Variants in DBT observed in about 807,000 individuals in gnomAD.
The protein encoded by DBT is dihydrolipoamide branched chain transacylase E2.
DBT carries 40 observed loss-of-function variants against 51.3 expected under a neutral mutation model. The ratio of observed to expected loss-of-function variants is 0.78; its 90% CI spans 0.61 to 1.02. DBT has a LOEUF of 1.02. Among genes scored for constraint, DBT ranks in the 50% least tolerant of loss-of-function variants. DBT has a pLI of 0.00. For synonymous variants in DBT, 181 were observed against 190.4 expected, an observed-to-expected ratio of 0.95 and a Z score of 0.41; for missense variants, 510 against 580.2, an observed-to-expected ratio of 0.88 and a Z score of 1.24.
At chr1:100,225,043 A>AAATATATGTG (rs1553231586) in intron 4 of DBT, among the ~76,000 whole-genome samples, 1 of 43,040 alleles carries the variant, frequency 2.3e-5, no homozygotes, top group Non-Finnish European at 4.5e-5. Flanking sequence ...AAAAAAAAAA[A>AAATATATGTG]TATATATATA....
chr1:100,196,462 A>C, intron 10 of DBT, 40 bp from the exon 11 acceptor site: 8 of 1,514,646 alleles, frequency 5.3e-6, no homozygotes, highest in Non-Finnish European at 6.3e-6. Context: ...AAAAAAAAGA[A>C]CAAAGAGTAA....
chr1:100,244,136 T>C (rs1035481929), intron 1 of DBT, among the ~76,000 whole-genome samples: 1 of 148,664 alleles, frequency 6.7e-6, no homozygotes, highest in Non-Finnish European at 1.5e-5. Context: ...TAGTGTGACC[T>C]GGGAAGGCTT....
In DBT at chr1:100,214,975, T is replaced by C. The variant is rs926492799; in HGVS notation, c.781A>G (p.Lys261Glu). Residue 261 changes from lysine (K) to glutamate (E), a missense_variant, in exon 7 of 11, where the codon AAA becomes GAA. Physicochemically the swap from Lys to Glu is moderately conservative, Grantham distance 56. Coordinates refer to ENST00000370132, the MANE Select transcript of DBT (RefSeq NM_001918.5). ...DKTEPIKGFQ[K>E]AMVKTMSAAL... ...GCAGACATAGTCTTGACCATTGCTTTTTGAAAGCCTGAAAAGCATTAAATT... is the reference window on the plus strand; with the variant it reads ...GCAGACATAGTCTTGACCATTGCTTCTTGAAAGCCTGAAAAGCATTAAATT... The C allele has an allele frequency of 1.3e-5, 21 of 1,608,442 alleles. No individual in the cohort carries two copies. The highest frequency in any genetic ancestry group is 1.7e-5 in the Non-Finnish European group (20 of 1,174,998).
In DBT at chr1:100,188,955, A is replaced by T. The variant is rs901238744; in HGVS notation, c.*7300T>A. 2.6e-5 allele frequency: 4 copies of T among 152,184 alleles called. No homozygotes were observed. The highest frequency in any genetic ancestry group is 9.7e-5 in the African/African-American group (4 of 41,450). 9.4% of individuals were successfully genotyped at this position (152,184 alleles called of 1,614,324 possible). ...TGCTCAGTACTGAGACTGCCACATA[A>T]TGAATTTTCATTTCCATTTTATTCT... On this transcript the variant is annotated 3_prime_UTR_variant, in exon 11 of 11. Coordinates refer to ENST00000370132, the MANE Select transcript of DBT (RefSeq NM_001918.5).
In DBT at chr1:100,206,480, T is replaced by C; in HGVS notation, c.1174A>G (p.Thr392Ala). ...TTGGAAAGAGTAAATGTTCCTCCTG[T>C]AAGATCAGTGGTGCTGAGCTGACTC... ...SVSQLSTTDL[T>A]GGTFTLSNIG... Residue 392 changes from threonine (T) to alanine (A), a missense_variant, in exon 9 of 11, where the codon ACA becomes GCA. Thr to Ala is a moderately conservative substitution (Grantham distance 58). Coordinates refer to ENST00000370132, the MANE Select transcript of DBT (RefSeq NM_001918.5). 6.2e-7 allele frequency: 1 copy of C among 1,613,870 alleles called. No homozygotes were observed. Among genetic ancestry groups the C allele is most frequent in the Non-Finnish European group, 8.5e-7 (1 of 1,179,768 alleles).
intron 10 of DBT, among the ~76,000 whole-genome samples, chr1:100,197,609 T>C (rs1195662960): frequency 2.0e-5 from 3 of 152,160 alleles, no homozygotes; most frequent in African/African-American, 7.2e-5. Context: ...CCTGGGGTGC[T>C]TCCATGTGCA....
rs1430280364 is a variant in DBT at position 100,196,060 on chromosome 1, C to CA, written c.*194dup. The CA allele has an allele frequency of 1.3e-5, 8 of 621,800 alleles. No individual in the cohort carries two copies. Among genetic ancestry groups the CA allele is most frequent in the Non-Finnish European group, 2.8e-6 (1 of 353,104 alleles). 38.5% of individuals were successfully genotyped at this position (621,800 alleles called of 1,614,324 possible). The stretch of plus-strand genomic sequence containing the variant: ...TCTGACCTATAAAATGTGACAGCCC[C>CA]AGGAGAACCATTACACCATTATTCA... On this transcript the variant is annotated 3_prime_UTR_variant, in exon 11 of 11. Coordinates refer to ENST00000370132, the MANE Select transcript of DBT (RefSeq NM_001918.5).
At chr1:100,249,493 G>A (rs908109494) in intron 1 of DBT, among the ~76,000 whole-genome samples, 1 of 152,200 alleles carries the variant, frequency 6.6e-6, no homozygotes, top group African/African-American at 2.4e-5. Flanking sequence ...GCACCTGGAA[G>A]GCGCTCAATA....
rs1663377372 is a variant in DBT at position 100,229,095 on chromosome 1, CA to C, written c.433+1637del. On this transcript the variant is annotated intron_variant, in intron 4 of 10. Transcript: ENST00000370132. ...AACATGTCATAGAAAATATTCTGGACAAAGACTCAGGTCATCTAAGTTCTAA... is the reference window on the plus strand; with the variant it reads ...AACATGTCATAGAAAATATTCTGGACAAGACTCAGGTCATCTAAGTTCTAA... Among the ~76,000 whole-genome samples, 4 of 152,240 alleles carry C rather than the reference CA, an allele frequency of 2.6e-5. No homozygotes were observed. In the South Asian group the frequency reaches 8.3e-4, roughly 32 times the overall value.
In DBT at chr1:100,230,884, C is replaced by T. The variant is rs2100827660; in HGVS notation, c.282G>A (p.Gln94=). 1.2e-6 allele frequency: 2 copies of T among 1,605,336 alleles called. No individual in the cohort carries two copies. The highest frequency in any genetic ancestry group is 1.1e-5 in the South Asian group (1 of 90,894). Reference sequence around the variant, plus strand: ...TTTGAACTTCACAGATGCTATCAAACTGAGACACTGTATCTCCTTCTTTTA... The same window carrying T: ...TTTGAACTTCACAGATGCTATCAAATTGAGACACTGTATCTCCTTCTTTTA... ...WYVKEGDTVS[Q]FDSICEVQSD... Residue 94 remains glutamine, a synonymous_variant, in exon 4 of 11, where the codon CAG becomes CAA. Transcript: ENST00000370132.
intron 2 of DBT, among the ~76,000 whole-genome samples, chr1:100,239,851 CAAAAAAA>C (rs56661922): frequency 9.0e-6 from 1 of 111,202 alleles, no homozygotes; most frequent in Non-Finnish European, 1.8e-5. Flanking sequence ...CAACAGAGCT[CAAAAAAA>C]AAAAAAAAAA....
Position 100,196,439 on chromosome 1 carries a change from A to ATT in DBT, c.1282-18_1282-17insAA. The ATT allele has an allele frequency of 8.2e-7, 1 of 1,222,194 alleles. No homozygotes were observed. Among genetic ancestry groups the ATT allele is most frequent in the African/African-American group, 1.5e-5 (1 of 66,270 alleles). The allele number at this position is 1,222,194 out of a possible 1,614,324, so 75.7% of individuals were successfully genotyped here. ...GGGAATGGCCTAGAAATGAAAAAAA[A>ATT]AAAAAAAAAAAAAAAAAAAAGAACA... is the stretch of plus-strand genomic sequence containing the variant. On this transcript the variant is annotated splice_polypyrimidine_tract_variant and intron_variant, in intron 10 of 10. Coordinates refer to ENST00000370132, the MANE Select transcript of DBT (RefSeq NM_001918.5).
At chr1:100,206,776 A>C in intron 8 of DBT, 140 bp from the exon 9 acceptor site, 1 of 662,574 alleles carries the variant, frequency 1.5e-6, no homozygotes, top group East Asian at 2.8e-5. Context: ...GAAATAATTT[A>C]AAAATAATTT....
At chr1:100,229,057 A>G (rs1663375317) in intron 4 of DBT, among the ~76,000 whole-genome samples, 1 of 152,208 alleles carries the variant, frequency 6.6e-6, no homozygotes, top group Non-Finnish European at 1.5e-5. Context: ...ATCACCTTCT[A>G]GCTTTTAGAA....
At chr1:100,234,330 T>C (rs1663725197) in intron 3 of DBT, among the ~76,000 whole-genome samples, 1 of 152,082 alleles carries the variant, frequency 6.6e-6, no homozygotes, top group Non-Finnish European at 1.5e-5. Flanking sequence ...AATTAACAAA[T>C]GGTTTTTTAA....
chr1:100,233,654 A>C (rs1266616552), intron 3 of DBT, among the ~76,000 whole-genome samples: 1 of 152,242 alleles, frequency 6.6e-6, no homozygotes, highest in Non-Finnish European at 1.5e-5. Flanking sequence ...ACTCACCAGC[A>C]GTTTTGCCAC....
intron 6 of DBT, 37 bp from the exon 7 acceptor site, chr1:100,215,020 T>G: frequency 6.8e-7 from 1 of 1,462,056 alleles, no homozygotes; most frequent in Non-Finnish European, 9.4e-7. Context: ...TTATTTAAAT[T>G]CTCAAATCTC....
At chr1:100,212,860 CTTA>C (rs1557947204) in intron 7 of DBT, among the ~76,000 whole-genome samples, 2 of 152,036 alleles carry the variant, frequency 1.3e-5, no homozygotes, top group Non-Finnish European at 2.9e-5. Context: ...GCAGCAGAGA[CTTA>C]TAACACATTT....
chr1:100,222,595 A>C (rs981047517), intron 4 of DBT, among the ~76,000 whole-genome samples: 3 of 152,230 alleles, frequency 2.0e-5, no homozygotes, highest in African/African-American at 7.2e-5. Context: ...TCCATGTGTC[A>C]AAAGCAGATA....
Sources: gnomAD v4.1 joint callset for allele counts (sites outside exome capture counted in the v4.1 genomes callset) on GRCh38, gnomAD v4.1.1 for gene constraint, MANE v1.5 for transcripts, NCBI Gene and HGNC (gene_info 2026-07-23, HGNC 2026-07-21) for gene names.